FAT1: variants seen among roughly 807,000 people sequenced by gnomAD.
FAT1 encodes FAT atypical cadherin 1, also known as protocadherin Fat 1.
A neutral mutation model predicts 329.8 loss-of-function variants in FAT1; 171 were observed. That is an observed-to-expected ratio of 0.52 (90% confidence interval 0.46 to 0.59). The LOEUF (loss-of-function observed/expected upper bound fraction) is 0.59, where lower values mean the gene tolerates loss of function less well. FAT1 is among the 20% of genes least tolerant of loss of function. The pLI, the probability that FAT1 is intolerant of heterozygous loss-of-function variation, is 0.00. For synonymous variants in FAT1, 2,233 were observed against 2,228.6 expected (o/e 1.00, Z -0.06); for missense variants, 5,672 against 5,774.4 (o/e 0.98, Z 0.57).
chr4:186,682,543 A>G (rs1393050192), intron 2 of FAT1, among the ~76,000 whole-genome samples: 1 of 146,056 alleles, frequency 6.8e-6, no homozygotes, highest in African/African-American at 2.5e-5. Context: ...AAAAAAAAAA[A>G]AGAAAGTTGT....
chr4:186,610,638 TTA>T (rs199646457), intron 14 of FAT1, among the ~76,000 whole-genome samples: 1 of 91,878 alleles, frequency 1.1e-5, no homozygotes, highest in African/African-American at 3.8e-5. Flanking sequence ...ATTATATAAT[TTA>T]TATAATTTAT....
chr4:186,596,793 C>G lies in FAT1; in HGVS notation c.12747G>C (p.Val4249=), dbSNP rs752393398. 6 of 1,614,000 alleles carry G rather than the reference C, an allele frequency of 3.7e-6. No individual in the cohort carries two copies. Among genetic ancestry groups the G allele is most frequent in the Admixed American group, 1.7e-5 (1 of 60,032 alleles). Residue 4249 remains valine, a synonymous_variant, in exon 25 of 27, where the codon GTG becomes GTC. Coordinates refer to ENST00000441802, the MANE Select transcript of FAT1 (RefSeq NM_005245.4). The surrounding 1 kb of genome is among the most constrained non-coding windows in gnomAD (Gnocchi z 4.7). ...KNIYSDIPPQ[V]PVRPISYTPS... is the part of the protein sequence containing the mutation. ...GGGTGTAGGAAATAGGCCGGACAGGCACCTGGGGTGGTATGTCTGAGTAAA... is the reference window on the plus strand; with the variant it reads ...GGGTGTAGGAAATAGGCCGGACAGGGACCTGGGGTGGTATGTCTGAGTAAA...
chr4:186,721,453 G>C (rs76772628), intron 1 of FAT1, among the ~76,000 whole-genome samples: 3,711 of 152,330 alleles, frequency 0.024, 167 homozygotes, highest in African/African-American at 0.083. Flanking sequence ...AAAAGATAGA[G>C]TTTGGCTTCA....
At chr4:186,594,051 T>A (rs1028496131) in intron 26 of FAT1, among the ~76,000 whole-genome samples, 1 of 152,130 alleles carries the variant, frequency 6.6e-6, no homozygotes, top group African/African-American at 2.4e-5. Context: ...TGACCATAAC[T>A]TATTGAAAGC....
In FAT1 at chr4:186,596,984, C is replaced by G. The variant is rs200322175; in HGVS notation, c.12556G>C (p.Val4186Leu). ...AAAAATATCCCTGCAACAAACACAA[C>G]GATTCCAATTCCTTCCGCCAACCCA... ...NIGLAEGIGI[V>L]VFVAGIFLLV... The change falls in exon 25 of 27, where the codon GTT becomes CTT. Residue 4186 changes from valine to leucine, a missense_variant. This residue lies in a region of FAT1 where 1,706 missense variants were observed against 1,859.1 expected (regional missense o/e 0.92). Coordinates refer to ENST00000441802, the MANE Select transcript of FAT1 (RefSeq NM_005245.4). This position sits in a 1 kb window ranked among gnomAD's most constrained non-coding sequence, Gnocchi z 4.7. 1 of 1,614,016 alleles carries G rather than the reference C, an allele frequency of 6.2e-7. No individual in the cohort carries two copies. Among genetic ancestry groups the G allele is most frequent in the Non-Finnish European group, 8.5e-7 (1 of 1,179,898 alleles).
chr4:186,613,295 A>G lies in FAT1; in HGVS notation c.9277T>C (p.Tyr3093His), dbSNP rs1200407854. 1.9e-6 allele frequency: 3 copies of G among 1,614,036 alleles called. No homozygotes were observed. The highest frequency in any genetic ancestry group is 2.5e-6 in the Non-Finnish European group (3 of 1,179,898). Residue 3093 changes from tyrosine to histidine, a missense_variant, in exon 13 of 27, where the codon TAT (tyrosine) becomes CAT (histidine). Tyr to His is a moderately conservative substitution (Grantham distance 83). Coordinates refer to ENST00000441802, the MANE Select transcript of FAT1 (RefSeq NM_005245.4). ...TPLDREEQAV[Y>H]HLLVRATDGG... ...TCTGTGGCCCTGACGAGAAGATGAT[A>G]AACAGCTTGCTCCTCACGATCAAGG... is the stretch of plus-strand genomic sequence containing the variant.
rs563031105 is a variant in FAT1, at chr4:186,623,220, C to T, written c.4811-1445G>A. Among the ~76,000 whole-genome samples, 6 of 152,286 alleles carry T rather than the reference C, an allele frequency of 3.9e-5. No individual in the cohort carries two copies. In the East Asian group the frequency reaches 7.7e-4, roughly 20 times the overall value. ...CTGACGCTCTGAGCTGAACCCTGGC[C>T]GAGAACTGGGTCCTGCTGCCTCTGC... On this transcript the variant is annotated intron_variant, in intron 9 of 26. Transcript: ENST00000441802.
rs368333675 is a variant in FAT1, at chr4:186,709,306, C to T, written c.522G>A (p.Thr174=). ...CCCCGTTGGTTCCTATGTCTGCATC[C>T]GTGGCGCTGACTCTTGCGATACTGG... is the stretch of plus-strand genomic sequence containing the variant. ...IRTSIARVSA[T]DADIGTNGEF... is the part of the protein sequence containing the mutation. The change falls in exon 2 of 27, where the codon ACG becomes ACA. Residue 174 remains threonine, a synonymous_variant. Coordinates refer to ENST00000441802, the MANE Select transcript of FAT1 (RefSeq NM_005245.4). 12 of 1,613,932 alleles carry T rather than the reference C, an allele frequency of 7.4e-6. No individual in the cohort carries two copies. The East Asian group carries it at 1.1e-4, about 15-fold the overall frequency.
rs760090187 is a variant in FAT1, at chr4:186,617,934, C to G, written c.8652G>C (p.Gln2884His). ...CATGATCTGATGCAACCACTTTAATCTGGTAATTGTCTCTCTTTTCATGGT... is the reference window on the plus strand; with the variant it reads ...CATGATCTGATGCAACCACTTTAATGTGGTAATTGTCTCTCTTTTCATGGT... Reference protein sequence around the residue: ...ELDHEKRDNYQIKVVASDHGE... With the variant: ...ELDHEKRDNYHIKVVASDHGE... The change falls in exon 10 of 27, where the codon CAG becomes CAC. Residue 2884 changes from glutamine to histidine, a missense_variant. Around this residue, in one of 2 missense-constraint regions of FAT1, gnomAD observed 3,966 missense variants for 3,915.2 expected, o/e 1.01. Transcript: ENST00000441802. 6.2e-7 allele frequency: 1 copy of G among 1,614,036 alleles called. No homozygotes were observed. Among genetic ancestry groups the G allele is most frequent in the Non-Finnish European group, 8.5e-7 (1 of 1,179,898 alleles).
chr4:186,659,613 C>T (rs111236298), intron 3 of FAT1, among the ~76,000 whole-genome samples: 2 of 109,490 alleles, frequency 1.8e-5, no homozygotes, highest in African/African-American at 7.2e-5. Flanking sequence ...CACACAAGCC[C>T]GCTGTGGCAC....
intron 14 of FAT1, among the ~76,000 whole-genome samples, chr4:186,610,646 T>TTATATAAATATAAA (rs1739380002): frequency 1.2e-5 from 1 of 84,678 alleles, no homozygotes; most frequent in African/African-American, 4.0e-5. Context: ...ATTTATATAA[T>TTATATAAATATAAA]TTATATAAAT....
At chr4:186,649,500 A>T (rs1275440655) in intron 3 of FAT1, among the ~76,000 whole-genome samples, 1 of 152,150 alleles carries the variant, frequency 6.6e-6, no homozygotes, top group African/African-American at 2.4e-5. Flanking sequence ...TTTATGGTGG[A>T]CCCTAAATTC....
intron 2 of FAT1, among the ~76,000 whole-genome samples, chr4:186,692,716 C>CT (rs1258419179): frequency 7.2e-6 from 1 of 138,860 alleles, no homozygotes; most frequent in East Asian, 2.3e-4. Context: ...TATTTCCACG[C>CT]CCCCCAGTCT....
rs150619305 is a variant in FAT1 at position 186,610,075 on chromosome 4, G to T, written c.9854-60C>A. ...CAATGCCACCACATTTTCCCACTAT[G>T]ACTGAAATAGATGAATGCTTTTGAG... On this transcript the variant is annotated intron_variant, in intron 14 of 26. Transcript: ENST00000441802. The T allele has an allele frequency of 6.4e-4, 643 of 1,000,924 alleles. 4 individuals carry two copies. The East Asian group carries it at 0.014, about 22-fold the overall frequency. 62.0% of individuals were successfully genotyped at this position (1,000,924 alleles called of 1,614,324 possible).
intron 2 of FAT1, among the ~76,000 whole-genome samples, chr4:186,680,491 C>T (rs1191494288): frequency 6.6e-6 from 1 of 152,176 alleles, no homozygotes; most frequent in Non-Finnish European, 1.5e-5. Flanking sequence ...TCCCCTGCCC[C>T]TCTGGAAGGG....
chr4:186,699,694 GAA>G (rs35718096), intron 2 of FAT1, among the ~76,000 whole-genome samples: 72 of 123,298 alleles, frequency 5.8e-4, no homozygotes, highest in Middle Eastern at 4.7e-3. Context: ...TCTGCTGTTT[GAA>G]AAAAAAAAAA....
intron 9 of FAT1, among the ~76,000 whole-genome samples, chr4:186,627,628 C>G (rs1166278444): frequency 6.6e-6 from 1 of 152,066 alleles, no homozygotes; most frequent in East Asian, 1.9e-4. Context: ...CTGTTAAAGG[C>G]GAGTGGCAAA....
At chr4:186,705,214 G>A (rs1469976300) in intron 2 of FAT1, among the ~76,000 whole-genome samples, 1 of 151,248 alleles carries the variant, frequency 6.6e-6, no homozygotes, top group African/African-American at 2.4e-5. Context: ...AAAGTGCTGC[G>A]ATTACAGGCG....
chr4:186,603,410 T>A lies in FAT1; in HGVS notation c.11116A>T (p.Ile3706Phe), dbSNP rs754369682. 1.4e-5 allele frequency: 23 copies of A among 1,613,898 alleles called. No individual in the cohort carries two copies. The highest frequency in any genetic ancestry group is 3.3e-5 in the Admixed American group (2 of 60,004). ...TTGTGCAGAAGTTGTTTTGTTGAGA[T>A]CTGAGCACTACCTGGTTTCTCTACA... is the stretch of plus-strand genomic sequence containing the variant. ...LFVEKPGSAQ[I>F]STKQLLHKIN... Residue 3706 changes from isoleucine (I) to phenylalanine (F), a missense_variant, in exon 19 of 27, where the codon ATC becomes TTC. Coordinates refer to ENST00000441802, the MANE Select transcript of FAT1 (RefSeq NM_005245.4).
Sources: allele counts gnomAD v4.1 joint callset (sites outside exome capture counted in the v4.1 genomes callset), GRCh38; gene constraint gnomAD v4.1.1; regional missense constraint gnomAD v4.1.1; non-coding constraint Gnocchi (gnomAD v3.1); transcripts MANE v1.5; gene names NCBI Gene and HGNC (gene_info 2026-07-23, HGNC 2026-07-21).